The following PCP4 variants were observed in gnomAD, a reference collection of about 807,000 sequenced individuals.
The protein encoded by PCP4 is Purkinje cell protein 4, also known as calmodulin regulator protein PCP4.
PCP4 carries 8 observed loss-of-function variants against 10.0 expected under a neutral mutation model. That is an observed-to-expected ratio of 0.80 (90% CI 0.47 to 1.45). The LOEUF (loss-of-function observed/expected upper bound fraction) is 1.45, where lower values mean the gene tolerates loss of function less well. Ranked by LOEUF, PCP4 falls within the 40% of genes most tolerant of loss-of-function variation. The probability of loss-of-function intolerance (pLI) is 0.00; values close to 1 mark genes in which losing one functional copy is unlikely to be tolerated. For missense variants in PCP4, 54 were observed against 74.4 expected, an observed-to-expected ratio of 0.73 and a Z score of 1.01; for synonymous variants, 21 against 23.0, an observed-to-expected ratio of 0.91 and a Z score of 0.24.
chr21:39,867,994 G>A (rs1177313618), intron 1 of PCP4, among the ~76,000 whole-genome samples: 1 of 152,154 alleles, frequency 6.6e-6, no homozygotes, highest in African/African-American at 2.4e-5. Flanking sequence ...GTTAATCAGA[G>A]CACCAGGGAA....
chr21:39,872,059 C>T (rs1000707910), intron 1 of PCP4, among the ~76,000 whole-genome samples: 15 of 152,178 alleles, frequency 9.9e-5, no homozygotes, highest in Middle Eastern at 3.4e-3. Context: ...AGTGCAGTAG[C>T]GCGATCTTGG....
intron 1 of PCP4, among the ~76,000 whole-genome samples, chr21:39,895,629 G>C (rs1008967452): frequency 6.6e-6 from 1 of 152,234 alleles, no homozygotes; most frequent in Admixed American, 6.5e-5. Flanking sequence ...TGTGCCTCAG[G>C]ATATAATTGG....
At chr21:39,924,257 C>T (rs1054081395) in intron 2 of PCP4, among the ~76,000 whole-genome samples, 15 of 152,290 alleles carry the variant, frequency 9.8e-5, no homozygotes, top group Middle Eastern at 3.4e-3. Context: ...AAGGTACAAC[C>T]GAGTGTTGAT....
intron 1 of PCP4, among the ~76,000 whole-genome samples, chr21:39,867,854 A>G (rs1478411523): frequency 6.6e-6 from 1 of 152,112 alleles, no homozygotes; most frequent in African/African-American, 2.4e-5. Flanking sequence ...CCGCGGTGAT[A>G]CCTTTCAGAA....
chr21:39,909,137 T>G (rs1242291824), intron 2 of PCP4, among the ~76,000 whole-genome samples: 1 of 152,228 alleles, frequency 6.6e-6, no homozygotes, highest in Non-Finnish European at 1.5e-5. Context: ...GTGAGATCAT[T>G]GAATTTAAAA....
chr21:39,920,286 GGT>G (rs55969852), intron 2 of PCP4, among the ~76,000 whole-genome samples: 28 of 142,552 alleles, frequency 2.0e-4, no homozygotes, highest in African/African-American at 5.0e-4. Context: ...TAGTGTGTGT[GGT>G]GTGTGTGTGT....
chr21:39,909,184 A>G (rs749916162), intron 2 of PCP4, among the ~76,000 whole-genome samples: 1 of 152,198 alleles, frequency 6.6e-6, no homozygotes, highest in Non-Finnish European at 1.5e-5. Flanking sequence ...TCCAGCATTA[A>G]TTCGAAGGAG....
rs776865972 is a variant in PCP4, at chr21:39,929,151, T to G, written c.*40T>G. 6.3e-7 allele frequency: 1 copy of G among 1,577,398 alleles called. No individual in the cohort carries two copies. The highest frequency in any genetic ancestry group is 8.6e-7 in the Non-Finnish European group (1 of 1,159,350). On this transcript the variant is annotated 3_prime_UTR_variant, in exon 3 of 3. Coordinates refer to ENST00000328619, the MANE Select transcript of PCP4 (RefSeq NM_006198.3). ...CCTAGTCCACCTGAAAACACCAAAT[T>G]CAACCATCATCTGTCAAGAAATTAA... is the stretch of plus-strand genomic sequence containing the variant.
intron 2 of PCP4, among the ~76,000 whole-genome samples, chr21:39,922,279 T>C (rs1323812940): frequency 1.3e-5 from 2 of 152,290 alleles, no homozygotes; most frequent in East Asian, 1.9e-4. Flanking sequence ...TCTACTTGAG[T>C]ATATGAGGGA....
intron 1 of PCP4, among the ~76,000 whole-genome samples, chr21:39,898,114 G>A (rs2087466387): frequency 6.6e-6 from 1 of 150,434 alleles, no homozygotes; most frequent in South Asian, 2.1e-4. Flanking sequence ...GCAGCCTAAT[G>A]ACTGTCATTA....
At chr21:39,870,836 T>C (rs181429673) in intron 1 of PCP4, among the ~76,000 whole-genome samples, 193 of 152,354 alleles carry the variant, frequency 1.3e-3, no homozygotes, top group African/African-American at 4.4e-3. Flanking sequence ...TTCACGGTCA[T>C]GGGCTGGGCT....
intron 1 of PCP4, among the ~76,000 whole-genome samples, chr21:39,885,164 G>A (rs190207702): frequency 3.9e-5 from 6 of 152,290 alleles, no homozygotes; most frequent in Admixed American, 2.0e-4. Flanking sequence ...GAATGGGAAC[G>A]CTTTTGATTC....
chr21:39,886,880 T>C (rs2087402930), intron 1 of PCP4, among the ~76,000 whole-genome samples: 1 of 152,232 alleles, frequency 6.6e-6, no homozygotes, highest in Non-Finnish European at 1.5e-5. Flanking sequence ...AGTATTAACA[T>C]GGATTAACTC....
At chr21:39,915,655 G>T (rs2087565370) in intron 2 of PCP4, among the ~76,000 whole-genome samples, 1 of 152,208 alleles carries the variant, frequency 6.6e-6, no homozygotes, top group Admixed American at 6.5e-5. Flanking sequence ...GAATATGGCT[G>T]CATGAGCACC....
chr21:39,923,330 G>A (rs2087605965), intron 2 of PCP4, among the ~76,000 whole-genome samples: 2 of 152,170 alleles, frequency 1.3e-5, no homozygotes, highest in South Asian at 2.1e-4. Flanking sequence ...GTGAGGCACC[G>A]AGGCAGCTTA....
chr21:39,910,156 A>G (rs1174661394), intron 2 of PCP4, among the ~76,000 whole-genome samples: 1 of 152,158 alleles, frequency 6.6e-6, no homozygotes, highest in Non-Finnish European at 1.5e-5. Context: ...TCTGGCGTTC[A>G]TTTAGACAGC....
chr21:39,927,361 CTATCTATCATCT>C (rs1312111657), intron 2 of PCP4, among the ~76,000 whole-genome samples: 254 of 20,774 alleles, frequency 0.012, 3 homozygotes, highest in Middle Eastern at 0.043. Context: ...ATCTATCTAT[CTATCTATCATCT>C]ATCTATCTAT....
intron 1 of PCP4, among the ~76,000 whole-genome samples, chr21:39,892,572 T>C (rs1305290648): frequency 1.3e-5 from 2 of 152,170 alleles, no homozygotes; most frequent in East Asian, 3.9e-4. Flanking sequence ...TTTTAAGTTT[T>C]AATTTTTGTG....
intron 2 of PCP4, among the ~76,000 whole-genome samples, chr21:39,913,730 T>A (rs1023051278): frequency 6.6e-6 from 1 of 152,176 alleles, no homozygotes; most frequent in Non-Finnish European, 1.5e-5. Context: ...TGGGAGGGAC[T>A]TGACCCTGGC....
Sources: gnomAD v4.1 joint callset for allele counts (sites outside exome capture counted in the v4.1 genomes callset) on GRCh38, gnomAD v4.1.1 for gene constraint, MANE v1.5 for transcripts, NCBI Gene and HGNC (gene_info 2026-07-23, HGNC 2026-07-21) for gene names.